Variants in ZNF652 observed in about 807,000 individuals in gnomAD.
ZNF652 encodes zinc finger protein 652.
In ZNF652, 16 loss-of-function variants were observed where a neutral mutation model predicts 45.2. That is an observed-to-expected ratio of 0.35 (90% CI 0.24 to 0.54). The LOEUF is 0.54. Ranked by LOEUF, ZNF652 falls within the 20% of genes least tolerant of loss-of-function variation. The pLI is 0.91. For missense variants in ZNF652, 614 were observed against 765.6 expected (o/e 0.80, Z 2.34); for synonymous variants, 250 against 260.6 (o/e 0.96, Z 0.39).
At chr17:49,351,054 C>T (rs977654457) in intron 1 of ZNF652, among the ~76,000 whole-genome samples, 3 of 131,810 alleles carry the variant, frequency 2.3e-5, no homozygotes, top group Admixed American at 7.9e-5. Flanking sequence ...CACACACACA[C>T]ATATTTTTAT....
At chr17:49,354,218 T>C (rs112407297) in intron 1 of ZNF652, among the ~76,000 whole-genome samples, 214 of 152,084 alleles carry the variant, frequency 1.4e-3, no homozygotes, top group African/African-American at 4.9e-3. Context: ...TTTAAATATA[T>C]CTCAAAGAAC....
chr17:49,353,556 C>G (rs1362753448), intron 1 of ZNF652, among the ~76,000 whole-genome samples: 4 of 152,052 alleles, frequency 2.6e-5, no homozygotes, highest in Non-Finnish European at 5.9e-5. Flanking sequence ...ACTACAACCT[C>G]CACCTCCTGG....
At chr17:49,327,730 A>AATATATATAT (rs68056731) in intron 1 of ZNF652, among the ~76,000 whole-genome samples, 4 of 61,412 alleles carry the variant, frequency 6.5e-5, no homozygotes, top group South Asian at 8.0e-4. Context: ...TAAATAAATA[A>AATATATATAT]ATATATATAT....
In ZNF652 at chr17:49,360,416, C is replaced by T. The variant is rs368921451; in HGVS notation, c.-259+1493G>A. Among the ~76,000 whole-genome samples the T allele has an allele frequency of 1.0e-3, 159 of 152,294 alleles. 2 individuals carry two copies. The highest frequency in any genetic ancestry group is 3.6e-3 in the African/African-American group (151 of 41,570). On this transcript the variant is annotated intron_variant, in intron 1 of 5. Coordinates refer to ENST00000430262, the MANE Select transcript of ZNF652 (RefSeq NM_001145365.3). ...ATGGAGAAGACGGTTCTAAAGACTT[C>T]CATGAACCCAAACAAAGATTACTAA...
intron 5 of ZNF652, 52 bp from the exon 6 acceptor site, chr17:49,298,976 T>A: frequency 6.6e-7 from 1 of 1,514,272 alleles, no homozygotes; most frequent in Non-Finnish European, 8.8e-7. Flanking sequence ...GGTAATTGTG[T>A]GCTCAAGCTT....
Position 49,317,089 on chromosome 17 carries a change from G to A in ZNF652, c.637C>T (p.Arg213Cys), listed in dbSNP as rs1567922454. The change falls in exon 2 of 6, where the codon CGT becomes TGT. Residue 213 changes from arginine to cysteine, a missense_variant. Coordinates refer to ENST00000430262, the MANE Select transcript of ZNF652 (RefSeq NM_001145365.3). Reference sequence around the variant, plus strand: ...TTAGGTGGCTCTACACTCTTCCTACGACCTCTTGTAGTTCTGGGAGTAGGG... The same window carrying A: ...TTAGGTGGCTCTACACTCTTCCTACAACCTCTTGTAGTTCTGGGAGTAGGG... The part of the protein sequence containing the change: ...TSPTPRTTRG[R>C]RKSVEPPKRK... The A allele has an allele frequency of 1.2e-6, 2 of 1,613,994 alleles. No individual in the cohort carries two copies. The highest frequency in any genetic ancestry group is 1.7e-6 in the Non-Finnish European group (2 of 1,180,008).
intron 5 of ZNF652, among the ~76,000 whole-genome samples, chr17:49,307,393 T>C (rs2143743431): frequency 7.4e-6 from 1 of 134,766 alleles, no homozygotes; most frequent in Admixed American, 8.3e-5. Flanking sequence ...ATCGGGCCAT[T>C]GCACTCTGGC....
chr17:49,328,790 A>G (rs938609501), intron 1 of ZNF652, among the ~76,000 whole-genome samples: 1 of 152,234 alleles, frequency 6.6e-6, no homozygotes, highest in Non-Finnish European at 1.5e-5. Context: ...ACCCAGCCTC[A>G]GGTATTCCTT....
Position 49,298,655 on chromosome 17 carries a change from T to A in ZNF652, c.1579A>T (p.Thr527Ser). The A allele has an allele frequency of 6.2e-7, 1 of 1,612,620 alleles. No individual in the cohort carries two copies. Among genetic ancestry groups the A allele is most frequent in the South Asian group, 1.1e-5 (1 of 90,988 alleles). ...ACAGGATTCATATTGATTGGAGGGG[T>A]TGGGGTTGTGGCTGTGTTCACCACA... ...PSVVNTATTPTPPINMNPVST... is the reference protein window; with the variant it reads ...PSVVNTATTPSPPINMNPVST... Residue 527 changes from threonine to serine, a missense_variant, in exon 6 of 6, where the codon ACC becomes TCC. By Grantham distance (58) the Thr-to-Ser change is moderately conservative (BLOSUM62 1). Coordinates refer to ENST00000430262, the MANE Select transcript of ZNF652 (RefSeq NM_001145365.3).
chr17:49,360,250 C>CT (rs1567704242), intron 1 of ZNF652, among the ~76,000 whole-genome samples: 1 of 152,068 alleles, frequency 6.6e-6, no homozygotes, highest in African/African-American at 2.4e-5. Flanking sequence ...TACTCTAATC[C>CT]TTTTTAAAAA....
chr17:49,345,438 G>A (rs1480593664), intron 1 of ZNF652, among the ~76,000 whole-genome samples: 2 of 151,308 alleles, frequency 1.3e-5, no homozygotes, highest in African/African-American at 4.8e-5. Flanking sequence ...CTGATCTAAA[G>A]TGATATGCCC....
At chr17:49,327,763 ATATATATATATATATATTT>A (rs1382239058) in intron 1 of ZNF652, among the ~76,000 whole-genome samples, 439 of 6,086 alleles carry the variant, frequency 0.072, 6 homozygotes, top group South Asian at 0.12. Context: ...ATATATATAT[ATATATATATATATATATTT>A]TTTTTTTTTT....
rs192304054 is a variant in ZNF652, at chr17:49,357,686, A to C, written c.-259+4223T>G. Among the ~76,000 whole-genome samples the C allele has an allele frequency of 3.0e-4, 45 of 152,354 alleles. No homozygotes were observed. The East Asian group carries it at 8.3e-3, about 28-fold the overall frequency. On this transcript the variant is annotated intron_variant, in intron 1 of 5. Transcript: ENST00000430262. ...CATGAAAATTTATACAAGGCTTTGC[A>C]CGTGATTCAACTCTGGACACAGAAC...
chr17:49,346,693 G>C (rs529019668), intron 1 of ZNF652, among the ~76,000 whole-genome samples: 1 of 152,158 alleles, frequency 6.6e-6, no homozygotes, highest in South Asian at 2.1e-4. Context: ...GCAAATATTT[G>C]TTTTAGTTTA....
chr17:49,298,940 A>G lies in ZNF652; in HGVS notation c.1310-16T>C, dbSNP rs997140773. 2 of 1,590,566 alleles carry G rather than the reference A, an allele frequency of 1.3e-6. No homozygotes were observed. The highest frequency in any genetic ancestry group is 2.7e-5 in the African/African-American group (2 of 74,110). ...GGTTTCTCTCCTGAGATGAACACAGACATAAAAATGATTAACATATTAGGT... is the reference window on the plus strand; with the variant it reads ...GGTTTCTCTCCTGAGATGAACACAGGCATAAAAATGATTAACATATTAGGT... On this transcript the variant is annotated splice_polypyrimidine_tract_variant and intron_variant, in intron 5 of 5. Coordinates refer to ENST00000430262, the MANE Select transcript of ZNF652 (RefSeq NM_001145365.3).
rs1490951116 is a variant in ZNF652, at chr17:49,293,270, T to C, written c.*5143A>G. Among the ~76,000 whole-genome samples, 2 of 152,174 alleles carry C rather than the reference T, an allele frequency of 1.3e-5. No individual in the cohort carries two copies. Among genetic ancestry groups the C allele is most frequent in the Non-Finnish European group, 1.5e-5 (1 of 68,018 alleles). ...AAAGTATTCTGACTTAAGTAAAGAATTTGATAAATGGTATGTGATCTGGTT... is the reference window on the plus strand; with the variant it reads ...AAAGTATTCTGACTTAAGTAAAGAACTTGATAAATGGTATGTGATCTGGTT... On this transcript the variant is annotated 3_prime_UTR_variant, in exon 6 of 6. Transcript: ENST00000430262.
chr17:49,313,973 C>CAA (rs71144595), intron 2 of ZNF652, among the ~76,000 whole-genome samples: 5 of 22,872 alleles, frequency 2.2e-4, no homozygotes, highest in African/African-American at 5.7e-4. Context: ...AACTCCATCT[C>CAA]AAAAAAAAAA....
intron 1 of ZNF652, among the ~76,000 whole-genome samples, chr17:49,328,873 T>C (rs1017425311): frequency 2.0e-5 from 3 of 152,222 alleles, no homozygotes; most frequent in Non-Finnish European, 2.9e-5. Context: ...CCCGTTGTCA[T>C]TGCTGGTAAG....
In ZNF652 at chr17:49,296,295, T is replaced by C. The variant is rs1378401962; in HGVS notation, c.*2118A>G. The C allele has an allele frequency of 3.3e-5, 5 of 152,564 alleles. No homozygotes were observed. The East Asian group carries it at 9.6e-4, about 29-fold the overall frequency. The allele number at this position is 152,564 out of a possible 1,614,324, so 9.5% of individuals were successfully genotyped here. ...ATACTTTTCTGCCTCATTCCAAAAT[T>C]TTCCTATGCTCATTATATAAGACAG... On this transcript the variant is annotated 3_prime_UTR_variant, in exon 6 of 6. Transcript: ENST00000430262.
Sources: gnomAD v4.1 joint callset for allele counts (sites outside exome capture counted in the v4.1 genomes callset) on GRCh38, gnomAD v4.1.1 for gene constraint, MANE v1.5 for transcripts, NCBI Gene and HGNC (gene_info 2026-07-23, HGNC 2026-07-21) for gene names.